AMZ1: variants seen among roughly 807,000 people sequenced by gnomAD.
AMZ1 encodes the protein archaelysin family metallopeptidase 1, also known as archaemetzincin-1.
Under a neutral mutation model 29.9 loss-of-function variants are expected in AMZ1, and 39 were observed. The observed-to-expected ratio is 1.30, with a 90% CI of 1.01 to 1.70. The LOEUF is 1.70. Among genes scored for constraint, AMZ1 ranks in the 40% most tolerant of loss-of-function variants. AMZ1 has a pLI of 0.00. For missense variants in AMZ1, 1,041 were observed against 680.6 expected, an observed-to-expected ratio of 1.53 and a Z score of -5.89; for synonymous variants, 458 against 304.0, an observed-to-expected ratio of 1.51 and a Z score of -5.27.
At chr7:2,763,988 C>T (rs1023314588), upstream of AMZ1, among the ~76,000 whole-genome samples, 2 of 152,190 alleles carry the variant, frequency 1.3e-5, no homozygotes, top group East Asian at 1.9e-4. Flanking sequence ...GAACAGGGTA[C>T]GCACCTAAAG....
chr7:2,696,000 C>T (rs1787694614), intron 1 of AMZ1, among the ~76,000 whole-genome samples: 1 of 132,332 alleles, frequency 7.6e-6, no homozygotes, highest in Non-Finnish European at 1.6e-5. Flanking sequence ...CAGAGCGAAA[C>T]TGTCTTGGGG....
intron 6 of AMZ1, among the ~76,000 whole-genome samples, chr7:2,710,495 C>T (rs10229934): frequency 0.26 from 39,032 of 152,110 alleles, 7,425 homozygotes; most frequent in African/African-American, 0.54. Flanking sequence ...ATCCTCCTCC[C>T]GCCCGTTGAG....
At chr7:2,689,976 G>C (rs1787289139) in intron 1 of AMZ1, among the ~76,000 whole-genome samples, 1 of 152,184 alleles carries the variant, frequency 6.6e-6, no homozygotes, top group South Asian at 2.1e-4. Context: ...GAAGGACTCA[G>C]CTGGCAGCTG....
chr7:2,748,918 C>T (rs948074686), intron 4 of AMZ1, among the ~76,000 whole-genome samples: 1 of 152,238 alleles, frequency 6.6e-6, no homozygotes, highest in Non-Finnish European at 1.5e-5. Flanking sequence ...AAATGCTCAT[C>T]ATCACTGGCC....
At chr7:2,732,561 A>C (rs1252144367) in intron 4 of AMZ1, among the ~76,000 whole-genome samples, 1 of 152,168 alleles carries the variant, frequency 6.6e-6, no homozygotes, top group Admixed American at 6.5e-5. Flanking sequence ...ATCGAAAAAC[A>C]AAACAGAACA....
intron 5 of AMZ1, 59 bp from the exon 6 acceptor site, chr7:2,709,581 G>C: frequency 1.3e-6 from 2 of 1,567,262 alleles, no homozygotes; most frequent in Non-Finnish European, 1.7e-6. Flanking sequence ...GCTGCCTGGG[G>C]ATCTGCCGGA....
chr7:2,736,680 G>A (rs1790195677), intron 4 of AMZ1, among the ~76,000 whole-genome samples: 1 of 152,248 alleles, frequency 6.6e-6, no homozygotes, highest in Non-Finnish European at 1.5e-5. Context: ...GCAGAGGCCT[G>A]CAGCCTTCAG....
chr7:2,764,244 CTTT>C (rs35992308), upstream of AMZ1, among the ~76,000 whole-genome samples: 61 of 139,332 alleles, frequency 4.4e-4, no homozygotes, highest in African/African-American at 1.3e-3. Flanking sequence ...CAGCTAATTT[CTTT>C]TTTTTTTTTT....
At position 2,700,582 on chromosome 7, in the gene AMZ1, T is replaced by A. The variant is rs142956150; in HGVS notation, c.131T>A (p.Leu44Gln). ...TTCTCCCCTGCCGAGCGGCTCTTCC[T>A]GGCCGAGGCCTACAACCCGCAGAGG... ...SAFSPAERLF[L>Q]AEAYNPQRTL... is the part of the protein sequence containing the mutation. Residue 44 changes from leucine (L) to glutamine (Q), a missense_variant, in exon 2 of 7, where the codon CTG becomes CAG. Leu to Gln is a moderately radical substitution (Grantham distance 113). Coordinates refer to ENST00000683327, the MANE Select transcript of AMZ1 (RefSeq NM_001384743.1). The A allele has an allele frequency of 1.2e-6, 2 of 1,610,332 alleles. No individual in the cohort carries two copies. The highest frequency in any genetic ancestry group is 1.3e-5 in the African/African-American group (1 of 74,918).
At position 2,719,600 on chromosome 7, in the gene AMZ1, C is replaced by T. The variant is rs1789332867; in HGVS notation, c.*6722C>T. Among the ~76,000 whole-genome samples, 4 of 152,138 alleles carry T rather than the reference C, an allele frequency of 2.6e-5. No homozygotes were observed. The highest frequency in any genetic ancestry group is 4.1e-4 in the South Asian group (2 of 4,832). ...ATGACTGATGGACGACTTTGATATA[C>T]AAAATAAATTGTTACTCAGCTTTTC... On this transcript the variant is annotated 3_prime_UTR_variant, in exon 7 of 7. Coordinates refer to ENST00000683327, the MANE Select transcript of AMZ1 (RefSeq NM_001384743.1).
At chr7:2,746,166 A>T (rs57612224) in intron 4 of AMZ1, among the ~76,000 whole-genome samples, 1 of 152,340 alleles carries the variant, frequency 6.6e-6, no homozygotes, top group East Asian at 1.9e-4. Flanking sequence ...TGCACCAAGC[A>T]GACCTAATAG....
intron 4 of AMZ1, among the ~76,000 whole-genome samples, chr7:2,755,320 G>A (rs559903491): frequency 6.6e-6 from 1 of 152,324 alleles, no homozygotes; most frequent in East Asian, 1.9e-4. Flanking sequence ...CACAGGAATT[G>A]TGTCAAATCT....
rs570959523 is a variant in AMZ1 at position 2,743,705 on chromosome 7, G to A, written n.551-21007G>A. Among the ~76,000 whole-genome samples, 1,405 of 152,306 alleles carry A rather than the reference G, an allele frequency of 9.2e-3. 16 individuals are homozygous for A. Among genetic ancestry groups the A allele is most frequent in the African/African-American group, 0.032 (1,325 of 41,566 alleles). ...ACAGTGGGCGCAGCGCACTGTGCGC[G>A]AGCCGAAGCAGGGCGAGGCACTGCC... On this transcript the variant is annotated intron_variant and non_coding_transcript_variant, in intron 4 of 4. Coordinates refer to the AMZ1 transcript ENST00000489665.
At chr7:2,737,264 G>GTTTTTT (rs201866976) in intron 4 of AMZ1, among the ~76,000 whole-genome samples, 2 of 52,452 alleles carry the variant, frequency 3.8e-5, no homozygotes, top group Non-Finnish European at 8.0e-5. Context: ...CTATCTCACA[G>GTTTTTT]TTTTGTTTTG....
At chr7:2,695,520 C>G (rs575156496) in intron 1 of AMZ1, among the ~76,000 whole-genome samples, 1 of 151,542 alleles carries the variant, frequency 6.6e-6, no homozygotes, top group South Asian at 2.1e-4. Context: ...AGTTCAAGAC[C>G]AGCCTGGGCA....
At chr7:2,743,642 A>G (rs967251257) in intron 4 of AMZ1, among the ~76,000 whole-genome samples, 1 of 152,172 alleles carries the variant, frequency 6.6e-6, no homozygotes, top group Admixed American at 6.5e-5. Context: ...CTGCATTTCC[A>G]ACTGAGGTAC....
At chr7:2,733,421 C>T (rs1483276485) in intron 4 of AMZ1, 5 of 1,607,562 alleles carry the variant, frequency 3.1e-6, no homozygotes, top group Non-Finnish European at 4.3e-6. Flanking sequence ...CCCTGGAGCC[C>T]AGCTTCTTCG....
chr7:2,759,193 T>TAAAAA (rs1208696022), intron 4 of AMZ1, among the ~76,000 whole-genome samples: 1 of 149,366 alleles, frequency 6.7e-6, no homozygotes, highest in Non-Finnish European at 1.5e-5. Flanking sequence ...ATAAATAAAA[T>TAAAAA]AAAAATAAAA....
intron 3 of AMZ1, among the ~76,000 whole-genome samples, chr7:2,703,880 G>C (rs1464214335): frequency 6.6e-6 from 1 of 152,148 alleles, no homozygotes; most frequent in Non-Finnish European, 1.5e-5. Context: ...TCTCTCTGGA[G>C]TCACATCCAA....
Sources: allele counts gnomAD v4.1 joint callset (sites outside exome capture counted in the v4.1 genomes callset), GRCh38; gene constraint gnomAD v4.1.1; transcripts MANE v1.5; gene names NCBI Gene and HGNC (gene_info 2026-07-23, HGNC 2026-07-21).